A4GALT: variants seen among roughly 807,000 people sequenced by gnomAD.
The protein encoded by A4GALT is lactosylceramide 4-alpha-galactosyltransferase.
For synonymous variants in A4GALT, 257 were observed against 220.7 expected, an observed-to-expected ratio of 1.16 and a Z score of -1.46; for missense variants, 512 against 486.0, an observed-to-expected ratio of 1.05 and a Z score of -0.50.
At chr22:42,700,193 G>T (rs1378198402) in intron 1 of A4GALT, among the ~76,000 whole-genome samples, 1 of 152,222 alleles carries the variant, frequency 6.6e-6, no homozygotes, top group Admixed American at 6.5e-5. Context: ...ATGATTGTAT[G>T]TGTTTTCCGT....
chr22:42,697,702 A>C (rs1207929241), intron 1 of A4GALT, among the ~76,000 whole-genome samples: 2 of 152,140 alleles, frequency 1.3e-5, no homozygotes, highest in Non-Finnish European at 2.9e-5. Context: ...AGGTGACCTC[A>C]GGCCCAAAGC....
chr22:42,693,028 G>A lies in A4GALT; in HGVS notation c.924C>T (p.Leu308=). ...DINPEELPRL[L]SATYAVHVWN... ...ACACGTGGACAGCATAGGTGGCACT[G>A]AGCAGCCGCGGCAGCTCCTCGGGGT... Residue 308 remains leucine, a synonymous_variant, in exon 3 of 3, where the codon CTC becomes CTT. Transcript: ENST00000642412. The A allele has an allele frequency of 3.7e-6, 6 of 1,613,714 alleles. No individual in the cohort carries two copies. The highest frequency in any genetic ancestry group is 2.5e-6 in the Non-Finnish European group (3 of 1,179,972).
chr22:42,719,500 CTTCCTTTCTT>C (rs1922494158), intron 1 of A4GALT, among the ~76,000 whole-genome samples: 1 of 121,114 alleles, frequency 8.3e-6, no homozygotes. Context: ...CATCTCTCCT[CTTCCTTTCTT>C]TTCCTTTCTA....
At chr22:42,697,117 G>A (rs922988653) in intron 1 of A4GALT, among the ~76,000 whole-genome samples, 2 of 152,260 alleles carry the variant, frequency 1.3e-5, no homozygotes, top group Non-Finnish European at 1.5e-5. Flanking sequence ...ATGGTAGAAC[G>A]GTGTCCAGCT....
At chr22:42,697,908 C>A (rs28915375) in intron 1 of A4GALT, among the ~76,000 whole-genome samples, 2 of 152,312 alleles carry the variant, frequency 1.3e-5, no homozygotes, top group East Asian at 1.9e-4. Flanking sequence ...GCTCCCATCG[C>A]CAGGATTCCC....
At chr22:42,698,746 G>A (rs1931103761) in intron 1 of A4GALT, among the ~76,000 whole-genome samples, 1 of 152,194 alleles carries the variant, frequency 6.6e-6, no homozygotes, top group African/African-American at 2.4e-5. Flanking sequence ...TTCCCAGACG[G>A]GTAAGGCATT....
chr22:42,702,403 C>T lies in A4GALT; in HGVS notation c.-187-6772G>A, dbSNP rs573595239. ...TCGCCCAGGCTGGAGTGCAGTGGTG[C>T]GATCTCGGCTCACTGCCAACTTCCG... On this transcript the variant is annotated intron_variant, in intron 1 of 2. Transcript: ENST00000642412. 8.0e-5 allele frequency among the ~76,000 whole-genome samples: 12 copies of T among 149,116 alleles called. No individual in the cohort carries two copies. The East Asian group carries it at 2.4e-3, about 30-fold the overall frequency.
At chr22:42,707,701 T>C (rs983931893) in intron 1 of A4GALT, among the ~76,000 whole-genome samples, 3 of 152,078 alleles carry the variant, frequency 2.0e-5, no homozygotes, top group Non-Finnish European at 4.4e-5. Context: ...AAACACCAAG[T>C]ATCCATATCT....
rs1422308671 is a variant in A4GALT at position 42,720,843 on chromosome 22, G to GCGGGCGGCGCGGCGGC, written c.-250_-235dup. 2.8e-5 allele frequency: 4 copies of GCGGGCGGCGCGGCGGC among 143,536 alleles called. No individual in the cohort carries two copies. The highest frequency in any genetic ancestry group is 2.1e-4 in the Admixed American group (3 of 14,212). 8.9% of individuals were successfully genotyped at this position (143,536 alleles called of 1,614,324 possible). A position where few individuals can be genotyped will look rare whatever the true frequency, so the allele number is the denominator to read the frequency against. On this transcript the variant is annotated 5_prime_UTR_variant, in exon 1 of 3. Transcript: ENST00000642412. ...GCGGCGGACAGCGGGGCCCCGGCGG[G>GCGGGCGGCGCGGCGGC]CGGGCGGCGCGGCGGCCGGAGGGCA...
In A4GALT at chr22:42,692,390, C is replaced by G. The variant is rs1930497347; in HGVS notation, c.*500G>C. 3.0e-6 allele frequency: 1 copy of G among 330,150 alleles called. No individual in the cohort carries two copies. Among genetic ancestry groups the G allele is most frequent in the Non-Finnish European group, 6.0e-6 (1 of 167,274 alleles). 20.5% of individuals were successfully genotyped at this position (330,150 alleles called of 1,614,324 possible). The stretch of plus-strand genomic sequence containing the variant: ...CTCAGTCCCTGTTGACCTCCCCCAC[C>G]CCCCGCGAAAGAGGAACCAAAACCA... On this transcript the variant is annotated 3_prime_UTR_variant, in exon 3 of 3. Coordinates refer to ENST00000642412, the MANE Select transcript of A4GALT (RefSeq NM_017436.7). This position sits in a 1 kb window ranked among gnomAD's most constrained non-coding sequence, Gnocchi z 4.6.
At chr22:42,700,255 C>T (rs1053559337) in intron 1 of A4GALT, among the ~76,000 whole-genome samples, 4 of 152,222 alleles carry the variant, frequency 2.6e-5, no homozygotes, top group African/African-American at 9.7e-5. Context: ...GTTCCTGGTG[C>T]TGACACAGGT....
chr22:42,706,354 CAAAAAA>C (rs1164664187), intron 1 of A4GALT, among the ~76,000 whole-genome samples: 2 of 83,818 alleles, frequency 2.4e-5, no homozygotes, highest in Admixed American at 1.6e-4. Flanking sequence ...GACTCCATCC[CAAAAAA>C]AAAAAAAAAA....
chr22:42,711,301 A>T (rs886297821), intron 1 of A4GALT, among the ~76,000 whole-genome samples: 1 of 152,200 alleles, frequency 6.6e-6, no homozygotes, highest in Non-Finnish European at 1.5e-5. Context: ...AACACTTAAC[A>T]CATTATTTTG....
chr22:42,714,897 G>A (rs962255869), intron 1 of A4GALT, among the ~76,000 whole-genome samples: 1 of 152,108 alleles, frequency 6.6e-6, no homozygotes, highest in African/African-American at 2.4e-5. Flanking sequence ...CTCTGAAAAG[G>A]GGACATTTGC....
chr22:42,697,069 T>A (rs1210047268), intron 1 of A4GALT, among the ~76,000 whole-genome samples: 1 of 151,696 alleles, frequency 6.6e-6, no homozygotes, highest in Admixed American at 6.6e-5. Flanking sequence ...CATAACCCCA[T>A]GAGGATAGGT....
chr22:42,703,082 T>TGA (rs894768969), intron 1 of A4GALT, among the ~76,000 whole-genome samples: 1 of 140,650 alleles, frequency 7.1e-6, no homozygotes, highest in Non-Finnish European at 1.5e-5. Flanking sequence ...TGTGTGTGTG[T>TGA]GTGAGAGAGA....
chr22:42,712,353 G>T (rs543988274), intron 1 of A4GALT, among the ~76,000 whole-genome samples: 5 of 152,200 alleles, frequency 3.3e-5, no homozygotes, highest in Non-Finnish European at 5.9e-5. Flanking sequence ...ACATGCACAC[G>T]TGGGGATATC....
intron 1 of A4GALT, among the ~76,000 whole-genome samples, chr22:42,710,019 T>C (rs1305396134): frequency 1.3e-5 from 2 of 152,156 alleles, no homozygotes; most frequent in Middle Eastern, 3.4e-3. Context: ...CAAAATTATA[T>C]AGATTAACAC....
intron 1 of A4GALT, among the ~76,000 whole-genome samples, chr22:42,701,991 C>T (rs750834512): frequency 6.6e-6 from 1 of 152,180 alleles, no homozygotes; most frequent in Non-Finnish European, 1.5e-5. Context: ...CCTCCTCAAT[C>T]GACCAATGAA....
Sources: allele counts gnomAD v4.1 joint callset (sites outside exome capture counted in the v4.1 genomes callset), GRCh38; gene constraint gnomAD v4.1.1; non-coding constraint Gnocchi (gnomAD v3.1); transcripts MANE v1.5; gene names NCBI Gene and HGNC (gene_info 2026-07-23, HGNC 2026-07-21).